The following CSMD1 variants were observed in gnomAD, a reference collection of about 807,000 sequenced individuals.
CSMD1 encodes the protein CUB and sushi domain-containing protein 1.
CSMD1 carries 213 observed loss-of-function variants against 417.5 expected under a neutral mutation model. That is an observed-to-expected ratio of 0.51 (90% CI 0.46 to 0.57). The LOEUF is 0.57. Among genes scored for constraint, CSMD1 ranks in the 20% least tolerant of loss-of-function variants. The pLI is 0.00. For synonymous variants in CSMD1, 2,862 were observed against 1,736.8 expected, an observed-to-expected ratio of 1.65 and a Z score of -16.11; for missense variants, 6,923 against 4,529.7, an observed-to-expected ratio of 1.53 and a Z score of -15.17.
intron 26 of CSMD1, among the ~76,000 whole-genome samples, chr8:3,236,625 C>G (rs1057067363): frequency 1.3e-5 from 2 of 152,200 alleles, no homozygotes; most frequent in Non-Finnish European, 2.9e-5. Context: ...GCAGAAACTG[C>G]TTTTCCACTT....
At chr8:3,719,171 G>C (rs1287347065) in intron 6 of CSMD1, among the ~76,000 whole-genome samples, 2 of 152,090 alleles carry the variant, frequency 1.3e-5, no homozygotes, top group Non-Finnish European at 2.9e-5. Flanking sequence ...TTGCATTAAA[G>C]TCTTTGCCAC....
chr8:3,669,690 G>A (rs978048847), intron 7 of CSMD1, among the ~76,000 whole-genome samples: 30 of 152,050 alleles, frequency 2.0e-4, no homozygotes, highest in African/African-American at 7.2e-4. Context: ...TCTGTGTGAG[G>A]CGTTATGCTA....
intron 26 of CSMD1, among the ~76,000 whole-genome samples, chr8:3,243,649 C>T (rs149820678): frequency 0.013 from 1,906 of 152,142 alleles, 97 homozygotes; most frequent in Admixed American, 0.089. Flanking sequence ...AACTGGCCAT[C>T]TGGATGTGTA....
intron 3 of CSMD1, among the ~76,000 whole-genome samples, chr8:4,236,666 G>C (rs996896966): frequency 6.6e-6 from 1 of 152,174 alleles, no homozygotes; most frequent in African/African-American, 2.4e-5. Context: ...TGAATTGCAT[G>C]CTTATTTAAA....
At chr8:2,984,298 T>C (rs1052286271) in intron 54 of CSMD1, among the ~76,000 whole-genome samples, 8 of 152,132 alleles carry the variant, frequency 5.3e-5, no homozygotes, top group African/African-American at 1.9e-4. Context: ...GGTAGGATGC[T>C]GGGAGGAGCA....
rs1190575625 is a variant in CSMD1 at position 3,754,158 on chromosome 8, C to A, written c.819-116G>T. 3 of 602,814 alleles carry A rather than the reference C, an allele frequency of 5.0e-6. No individual in the cohort carries two copies. The South Asian group carries it at 6.3e-5, about 13-fold the overall frequency. The allele number at this position is 602,814 out of a possible 1,614,324, so 37.3% of individuals were successfully genotyped here. On this transcript the variant is annotated intron_variant, in intron 5 of 69. Coordinates refer to ENST00000635120, the MANE Select transcript of CSMD1 (RefSeq NM_033225.6). ...ATCCTTCATCTTGAGATGCTTAAAA[C>A]AGAGGCCATGTATTAATTGACTTTG... is the stretch of plus-strand genomic sequence containing the variant.
intron 3 of CSMD1, among the ~76,000 whole-genome samples, chr8:4,093,978 A>ATAGG (rs749333925): frequency 4.0e-5 from 6 of 151,118 alleles, no homozygotes; most frequent in South Asian, 2.1e-4. Flanking sequence ...AGATAGATAG[A>ATAGG]TAGATAGATA....
At chr8:4,032,200 G>A (rs1044224824) in intron 3 of CSMD1, 101 bp from the exon 4 acceptor site, 2 of 774,852 alleles carry the variant, frequency 2.6e-6, no homozygotes, top group African/African-American at 1.8e-5. Flanking sequence ...ATTAAAATGA[G>A]AAAACCTCTA....
chr8:4,970,304 GA>G (rs1478396531), intron 1 of CSMD1, among the ~76,000 whole-genome samples: 2 of 152,048 alleles, frequency 1.3e-5, no homozygotes, highest in Non-Finnish European at 2.9e-5. Context: ...TGTAAAATGG[GA>G]ATAAGTAAAT....
At chr8:4,210,840 C>G (rs967186749) in intron 3 of CSMD1, among the ~76,000 whole-genome samples, 1 of 152,004 alleles carries the variant, frequency 6.6e-6, no homozygotes, top group Non-Finnish European at 1.5e-5. Flanking sequence ...TCATGTATCT[C>G]GGGAAAGAAA....
intron 23 of CSMD1, among the ~76,000 whole-genome samples, chr8:3,315,803 A>G (rs1805713917): frequency 1.3e-5 from 2 of 152,220 alleles, no homozygotes; most frequent in African/African-American, 4.8e-5. Flanking sequence ...TTTTTTATCA[A>G]GCAAACTTTT....
At chr8:4,908,798 A>G (rs940677444) in intron 1 of CSMD1, among the ~76,000 whole-genome samples, 1 of 152,028 alleles carries the variant, frequency 6.6e-6, no homozygotes, top group African/African-American at 2.4e-5. Context: ...CTGCTCTTAC[A>G]TGTTGTCTAC....
rs544892206 is a variant in CSMD1 at position 4,909,470 on chromosome 8, C to A, written c.85+84862G>T. Among the ~76,000 whole-genome samples the A allele has an allele frequency of 1.3e-4, 20 of 152,286 alleles. 1 individual carries two copies. The South Asian group carries it at 3.9e-3, about 30-fold the overall frequency. Reference sequence around the variant, plus strand: ...TGTCTGACATGGAAGTAACACCCTTCCCTGATAACCTTCTAGCAGAGATTT... The same window carrying A: ...TGTCTGACATGGAAGTAACACCCTTACCTGATAACCTTCTAGCAGAGATTT... On this transcript the variant is annotated intron_variant, in intron 1 of 69. Coordinates refer to ENST00000635120, the MANE Select transcript of CSMD1 (RefSeq NM_033225.6).
rs1805645174 is a variant in CSMD1, at chr8:4,911,156, T to C, written c.85+83176A>G. ...TAAATTCTCCAGTCTTGGGTATGTC[T>C]TTATCAGCAGTGTGAAAATGGACTA... On this transcript the variant is annotated intron_variant, in intron 1 of 69. Transcript: ENST00000635120. Among the ~76,000 whole-genome samples the C allele has an allele frequency of 2.0e-5, 3 of 152,238 alleles. No homozygotes were observed. In the South Asian group the frequency reaches 6.2e-4, roughly 32 times the overall value.
chr8:3,521,849 T>A (rs1440332234), intron 10 of CSMD1, among the ~76,000 whole-genome samples: 3 of 152,240 alleles, frequency 2.0e-5, no homozygotes, highest in Non-Finnish European at 4.4e-5. Context: ...ATTATCATAC[T>A]ATCTATTCTA....
At chr8:4,638,331 G>GA (rs1421621825) in intron 1 of CSMD1, among the ~76,000 whole-genome samples, 12 of 152,222 alleles carry the variant, frequency 7.9e-5, no homozygotes, top group African/African-American at 2.6e-4. Context: ...AGAATAGTTA[G>GA]AAAAAAACAA....
intron 12 of CSMD1, among the ~76,000 whole-genome samples, chr8:3,429,543 G>A (rs969876193): frequency 2.6e-5 from 4 of 152,098 alleles, no homozygotes; most frequent in African/African-American, 4.8e-5. Flanking sequence ...TGTCAGGAAC[G>A]TTCAATATCT....
intron 8 of CSMD1, chr8:3,598,301 C>T (rs540348891): frequency 6.6e-6 from 1 of 152,324 alleles, no homozygotes; most frequent in Admixed American, 6.5e-5. Context: ...GGCTTCCTCG[C>T]ACCTACTTTC....
At chr8:4,791,059 G>GGAGAGAGATGGT (rs1797659207) in intron 1 of CSMD1, among the ~76,000 whole-genome samples, 3 of 143,704 alleles carry the variant, frequency 2.1e-5, no homozygotes, top group Non-Finnish European at 3.1e-5. Context: ...AAGCTAGTAG[G>GGAGAGAGATGGT]GAGAGAGACG....
Sources: gnomAD v4.1 joint callset for allele counts (sites outside exome capture counted in the v4.1 genomes callset) on GRCh38, gnomAD v4.1.1 for gene constraint, MANE v1.5 for transcripts, NCBI Gene and HGNC (gene_info 2026-07-23, HGNC 2026-07-21) for gene names.